The following PHACTR2 variants were observed in gnomAD, a reference collection of about 807,000 sequenced individuals.
PHACTR2 encodes phosphatase and actin regulator 2.
Under a neutral mutation model 76.0 loss-of-function variants are expected in PHACTR2, and 30 were observed. The ratio of observed to expected loss-of-function variants is 0.39; its 90% CI spans 0.30 to 0.54. PHACTR2 has a LOEUF of 0.54. Among genes scored for constraint, PHACTR2 ranks in the 20% least tolerant of loss-of-function variants. The pLI is 0.61. For missense variants in PHACTR2, 696 were observed against 781.1 expected (o/e 0.89, Z 1.30); for synonymous variants, 292 against 292.5 (o/e 1.00, Z 0.02).
intron 1 of PHACTR2, among the ~76,000 whole-genome samples, chr6:143,613,012 G>A (rs1179494021): frequency 1.3e-5 from 2 of 152,168 alleles, no homozygotes. Flanking sequence ...ACGGAGTCTT[G>A]CTCTGTCGCC....
intron 1 of PHACTR2, among the ~76,000 whole-genome samples, chr6:143,590,214 T>C (rs1256261048): frequency 6.6e-6 from 1 of 152,208 alleles, no homozygotes; most frequent in Non-Finnish European, 1.5e-5. Flanking sequence ...TTTAGTTTGG[T>C]ATTTTCCCCG....
At position 143,774,260 on chromosome 6, in the gene PHACTR2, T is replaced by C; in HGVS notation, c.1589+45T>C. The C allele has an allele frequency of 2.0e-6, 3 of 1,529,872 alleles. No individual in the cohort carries two copies. The highest frequency in any genetic ancestry group is 2.7e-6 in the Non-Finnish European group (3 of 1,109,826). 94.8% of individuals were successfully genotyped at this position (1,529,872 alleles called of 1,614,324 possible). ...GACAGTACTGACTAATTTGTATTTT[T>C]CTCCCTCCCAAAGCTTCCTACCTAA... On this transcript the variant is annotated intron_variant, in intron 8 of 12. Transcript: ENST00000440869. The surrounding 1 kb of genome is among the most constrained non-coding windows in gnomAD (Gnocchi z 5.4).
rs553458164 is a variant in PHACTR2, at chr6:143,574,984, T to C, written c.217+37777T>C. On this transcript the variant is annotated intron_variant, in intron 1 of 11. Coordinates refer to the PHACTR2 transcript ENST00000367584. Reference sequence around the variant, plus strand: ...CCTTTATCTATACAGAATTCCTAGATGTTGACTGGCAGATTAGATTTCTCA... The same window carrying C: ...CCTTTATCTATACAGAATTCCTAGACGTTGACTGGCAGATTAGATTTCTCA... Among the ~76,000 whole-genome samples the C allele has an allele frequency of 9.8e-4, 150 of 152,376 alleles. No homozygotes were observed. The Middle Eastern group carries it at 0.01, about 10-fold the overall frequency.
intron 1 of PHACTR2, among the ~76,000 whole-genome samples, chr6:143,579,701 G>T (rs957009440): frequency 1.3e-5 from 2 of 152,048 alleles, no homozygotes; most frequent in Admixed American, 1.3e-4. Context: ...CTTTTCCACT[G>T]CACCGAGACG....
At chr6:143,607,459 T>C (rs1180676444), upstream of PHACTR2, among the ~76,000 whole-genome samples, 2 of 152,222 alleles carry the variant, frequency 1.3e-5, no homozygotes, top group Non-Finnish European at 2.9e-5. Flanking sequence ...CTTCCTGTGT[T>C]AGTCAGTCTT....
chr6:143,772,300 A>G lies in PHACTR2; in HGVS notation c.1275A>G (p.Leu425=), dbSNP rs760360042. ...KEELGKTVPQ[L]LTPGLMGESS... ...AGCTGGGGAAGACAGTGCCTCAGCT[A>G]CTGACTCCTGGGCTGATGGGCGAAT... Residue 425 remains leucine, a synonymous_variant, in exon 7 of 13, where the codon CTA becomes CTG. Transcript: ENST00000440869. The surrounding 1 kb of genome is among the most constrained non-coding windows in gnomAD (Gnocchi z 5.4). 20 of 1,613,808 alleles carry G rather than the reference A, an allele frequency of 1.2e-5. No homozygotes were observed. Among genetic ancestry groups the G allele is most frequent in the Admixed American group, 3.3e-5 (2 of 59,994 alleles).
chr6:143,800,148 C>T lies in PHACTR2; in HGVS notation c.1846-6909C>T, dbSNP rs979435351. On this transcript the variant is annotated intron_variant, in intron 11 of 12. Coordinates refer to ENST00000440869, the MANE Select transcript of PHACTR2 (RefSeq NM_001100164.2). The surrounding 1 kb of genome is among the most constrained non-coding windows in gnomAD (Gnocchi z 4.8). ...ACCATTACGTAATGGCCTTCTTTGT[C>T]TCTTTTGATCTTTGTTGGTTTAAAG... is the stretch of plus-strand genomic sequence containing the variant. 6.6e-6 allele frequency among the ~76,000 whole-genome samples: 1 copy of T among 152,176 alleles called. No homozygotes were observed. The highest frequency in any genetic ancestry group is 2.4e-5 in the African/African-American group (1 of 41,422).
rs761535810 is a variant in PHACTR2 at position 143,710,991 on chromosome 6, A to G, written c.47-1025A>G. 17 of 513,388 alleles carry G rather than the reference A, an allele frequency of 3.3e-5. No homozygotes were observed. In the Admixed American group the frequency reaches 3.4e-4, roughly 10 times the overall value. 31.8% of individuals were successfully genotyped at this position (513,388 alleles called of 1,614,324 possible). On this transcript the variant is annotated intron_variant, in intron 1 of 12. Coordinates refer to ENST00000440869, the MANE Select transcript of PHACTR2 (RefSeq NM_001100164.2). The surrounding 1 kb of genome is among the most constrained non-coding windows in gnomAD (Gnocchi z 4.9). ...ACACTTCACCTCTAAACACTTCAGC[A>G]TACATGTCATTAATTAGACTTCACT...
In PHACTR2 at chr6:143,820,267, C is replaced by T. The variant is rs1027627500; in HGVS notation, c.1923-3407C>T. 6.6e-6 allele frequency among the ~76,000 whole-genome samples: 1 copy of T among 152,196 alleles called. No homozygotes were observed. Among genetic ancestry groups the T allele is most frequent in the East Asian group, 1.9e-4 (1 of 5,190 alleles). On this transcript the variant is annotated intron_variant, in intron 12 of 12. Transcript: ENST00000440869. The surrounding 1 kb of genome is among the most constrained non-coding windows in gnomAD (Gnocchi z 4.2). ...CATGTCCTTCTCACATTTCAAAATGCTTTCCCAAAAGTCCCCCAAAGTCTT... is the reference window on the plus strand; with the variant it reads ...CATGTCCTTCTCACATTTCAAAATGTTTTCCCAAAAGTCCCCCAAAGTCTT...
Position 143,672,584 on chromosome 6 carries a change from C to A in PHACTR2, c.14-39432C>A, listed in dbSNP as rs1777174277. 6.6e-6 allele frequency among the ~76,000 whole-genome samples: 1 copy of A among 152,262 alleles called. No homozygotes were observed. The highest frequency in any genetic ancestry group is 1.9e-4 in the East Asian group (1 of 5,188). Reference sequence around the variant, plus strand: ...GGAAGCACTTCACAATCTTAGGGCACCTTCAGAATGAATGAGCACCTCTGT... The same window carrying A: ...GGAAGCACTTCACAATCTTAGGGCAACTTCAGAATGAATGAGCACCTCTGT... On this transcript the variant is annotated intron_variant, in intron 1 of 11. Transcript: ENST00000305766. The surrounding 1 kb of genome is among the most constrained non-coding windows in gnomAD (Gnocchi z 5.8).
rs184597759 is a variant in PHACTR2, at chr6:143,730,073, A to G, written c.214+17890A>G. On this transcript the variant is annotated intron_variant, in intron 2 of 12. Transcript: ENST00000440869. The surrounding 1 kb of genome is among the most constrained non-coding windows in gnomAD (Gnocchi z 4.8). ...ACACTATCTTGATTATTATAGCTTTATAAGTCTGAAAATTAGGTAGTGTGA... is the reference window on the plus strand; with the variant it reads ...ACACTATCTTGATTATTATAGCTTTGTAAGTCTGAAAATTAGGTAGTGTGA... Among the ~76,000 whole-genome samples, 50 of 152,298 alleles carry G rather than the reference A, an allele frequency of 3.3e-4. No individual in the cohort carries two copies. Among genetic ancestry groups the G allele is most frequent in the Admixed American group, 1.3e-3 (20 of 15,294 alleles).
At chr6:143,576,649 G>A (rs979167207) in intron 1 of PHACTR2, among the ~76,000 whole-genome samples, 11 of 152,100 alleles carry the variant, frequency 7.2e-5, no homozygotes, top group African/African-American at 2.4e-4. Flanking sequence ...GGCAGAGGTG[G>A]GTGGATCACT....
Position 143,764,764 on chromosome 6 carries a change from C to T in PHACTR2, c.695-497C>T, listed in dbSNP as rs1779517126. On this transcript the variant is annotated intron_variant, in intron 5 of 12. Transcript: ENST00000440869. The surrounding 1 kb of genome is among the most constrained non-coding windows in gnomAD (Gnocchi z 4.7). ...TAAGATGAGTGATTTTGTTTTTGACCCAGAAAGAAGCTGGATATATACCCC... is the reference window on the plus strand; with the variant it reads ...TAAGATGAGTGATTTTGTTTTTGACTCAGAAAGAAGCTGGATATATACCCC... Among the ~76,000 whole-genome samples the T allele has an allele frequency of 2.0e-5, 3 of 152,102 alleles. No homozygotes were observed. The South Asian group carries it at 6.2e-4, about 32-fold the overall frequency.
intron 1 of PHACTR2, among the ~76,000 whole-genome samples, chr6:143,694,895 T>G (rs552336653): frequency 1.4e-4 from 22 of 152,360 alleles, no homozygotes; most frequent in African/African-American, 4.6e-4. Flanking sequence ...TTTTAACTGG[T>G]GCAGTCAGTT....
chr6:143,745,151 C>G (rs1779028609), intron 2 of PHACTR2, among the ~76,000 whole-genome samples: 1 of 152,132 alleles, frequency 6.6e-6, no homozygotes, highest in Non-Finnish European at 1.5e-5. Flanking sequence ...GATTTCTGTG[C>G]ATAGATTGGT....
intron 1 of PHACTR2, among the ~76,000 whole-genome samples, chr6:143,666,320 G>A (rs780114753): frequency 6.6e-5 from 10 of 152,134 alleles, no homozygotes; most frequent in Non-Finnish European, 1.5e-4. Flanking sequence ...CTATTGTGAA[G>A]AGTGCTGCAA....
intron 7 of PHACTR2, 116 bp from the exon 8 acceptor site, chr6:143,773,943 T>C (rs1488272694): frequency 1.4e-6 from 1 of 724,612 alleles, no homozygotes; most frequent in African/African-American, 1.8e-5. Context: ...ATTCTCCTCC[T>C]GCATGAGGAG....
rs1258134784 is a variant in PHACTR2 at position 143,738,059 on chromosome 6, G to A, written c.215-10926G>A. Among the ~76,000 whole-genome samples, 2 of 152,182 alleles carry A rather than the reference G, an allele frequency of 1.3e-5. No homozygotes were observed. Among genetic ancestry groups the A allele is most frequent in the African/African-American group, 4.8e-5 (2 of 41,444 alleles). ...TGGTTATCCCCACCTACCTGAGTTG[G>A]TGTTGTTTTAATATGTATTGTTCAT... is the stretch of plus-strand genomic sequence containing the variant. On this transcript the variant is annotated intron_variant, in intron 2 of 12. Coordinates refer to ENST00000440869, the MANE Select transcript of PHACTR2 (RefSeq NM_001100164.2). The surrounding 1 kb of genome is among the most constrained non-coding windows in gnomAD (Gnocchi z 4.0).
intron 2 of PHACTR2, 114 bp from the exon 3 acceptor site, chr6:143,748,871 C>T (rs1043216955): frequency 3.7e-4 from 213 of 571,324 alleles, no homozygotes; most frequent in Non-Finnish European, 5.6e-4. Flanking sequence ...ACTAAGAAAA[C>T]GAGTTTGAGC....
Sources: gnomAD v4.1 joint callset for allele counts (sites outside exome capture counted in the v4.1 genomes callset) on GRCh38, gnomAD v4.1.1 for gene constraint, Gnocchi (gnomAD v3.1) non-coding constraint, MANE v1.5 for transcripts, NCBI Gene and HGNC (gene_info 2026-07-23, HGNC 2026-07-21) for gene names.